INPP4B: variants seen among roughly 807,000 people sequenced by gnomAD.
The protein encoded by INPP4B is inositol polyphosphate 4-phosphatase type II.
Under a neutral mutation model 122.5 loss-of-function variants are expected in INPP4B, and 55 were observed. The observed-to-expected ratio is 0.45, with a 90% CI of 0.36 to 0.56. The LOEUF is 0.56. Among genes scored for constraint, INPP4B ranks in the 20% least tolerant of loss-of-function variants. The pLI, the probability that INPP4B is intolerant of heterozygous loss-of-function variation, is 0.00. For synonymous variants in INPP4B, 403 were observed against 388.7 expected (o/e 1.04, Z -0.43); for missense variants, 1,000 against 1,097.7 (o/e 0.91, Z 1.26).
chr4:142,275,182 A>C (rs1747790656), intron 9 of INPP4B, among the ~76,000 whole-genome samples: 1 of 151,874 alleles, frequency 6.6e-6, no homozygotes, highest in South Asian at 2.1e-4. Flanking sequence ...CTTCTAACAA[A>C]GGATAATTTA....
intron 9 of INPP4B, among the ~76,000 whole-genome samples, chr4:142,276,836 T>A (rs1748670421): frequency 6.6e-6 from 1 of 151,862 alleles, no homozygotes; most frequent in Non-Finnish European, 1.5e-5. Context: ...GATAAAGCAA[T>A]TTTTACCTTC....
chr4:142,665,993 C>A (rs931454200), intron 2 of INPP4B, among the ~76,000 whole-genome samples: 1 of 152,124 alleles, frequency 6.6e-6, no homozygotes, highest in African/African-American at 2.4e-5. Context: ...ATAGTTCCAA[C>A]AAGATACTGT....
At chr4:142,359,404 T>G (rs1784688237) in intron 7 of INPP4B, among the ~76,000 whole-genome samples, 1 of 151,950 alleles carries the variant, frequency 6.6e-6, no homozygotes, top group South Asian at 2.1e-4. Context: ...GATTAAATAA[T>G]TATAAATGCC....
At chr4:142,509,559 A>G (rs1432721942) in intron 2 of INPP4B, among the ~76,000 whole-genome samples, 1 of 152,134 alleles carries the variant, frequency 6.6e-6, no homozygotes, top group Non-Finnish European at 1.5e-5. Context: ...ACATGAACTC[A>G]TCCTTTTTTA....
chr4:142,392,735 T>A (rs898089574), intron 7 of INPP4B, among the ~76,000 whole-genome samples: 10 of 152,362 alleles, frequency 6.6e-5, no homozygotes, highest in African/African-American at 2.4e-4. Flanking sequence ...AATTCTCCTG[T>A]CAAAGTTATG....
chr4:142,698,186 AAAC>A (rs1761264878), intron 2 of INPP4B, among the ~76,000 whole-genome samples: 1 of 152,176 alleles, frequency 6.6e-6, no homozygotes, highest in African/African-American at 2.4e-5. Context: ...CAGTAAGAGA[AAAC>A]AATTAAGTTA....
chr4:142,610,535 ATTTAT>A (rs1185908981), intron 2 of INPP4B, among the ~76,000 whole-genome samples: 3 of 152,170 alleles, frequency 2.0e-5, no homozygotes, highest in African/African-American at 7.2e-5. Context: ...ATAAAATGAC[ATTTAT>A]TTTAACAGCA....
At chr4:142,224,424 A>G (rs1174767086) in intron 12 of INPP4B, among the ~76,000 whole-genome samples, 4 of 152,190 alleles carry the variant, frequency 2.6e-5, no homozygotes, top group Non-Finnish European at 4.4e-5. Context: ...AAAATGAACC[A>G]TCATTTAAAT....
At chr4:142,663,285 TC>T (rs1755512488) in intron 2 of INPP4B, among the ~76,000 whole-genome samples, 2 of 152,154 alleles carry the variant, frequency 1.3e-5, no homozygotes, top group Non-Finnish European at 2.9e-5. Context: ...TTAAAAACAT[TC>T]AAGAACTAAG....
At chr4:142,826,361 C>A (rs1561113573) in intron 1 of INPP4B, among the ~76,000 whole-genome samples, 2 of 152,104 alleles carry the variant, frequency 1.3e-5, no homozygotes, top group Non-Finnish European at 2.9e-5. Context: ...TTGGCTTCAG[C>A]CTATTACCTA....
At position 142,623,960 on chromosome 4, in the gene INPP4B, G is replaced by A. The variant is rs562167913; in HGVS notation, c.-191+101879C>T. Among the ~76,000 whole-genome samples the A allele has an allele frequency of 7.9e-4, 120 of 152,090 alleles. No homozygotes were observed. The Middle Eastern group carries it at 0.014, about 17-fold the overall frequency. ...ATATGTGCCACATTTTCTTAATCCAGTCTATCATTGTTGGACATTTGGGTT... is the reference window on the plus strand; with the variant it reads ...ATATGTGCCACATTTTCTTAATCCAATCTATCATTGTTGGACATTTGGGTT... On this transcript the variant is annotated intron_variant, in intron 2 of 25. Coordinates refer to ENST00000262992, the MANE Select transcript of INPP4B (RefSeq NM_001101669.3).
rs546356670 is a variant in INPP4B at position 142,172,429 on chromosome 4, C to T, written c.1359+1203G>A. On this transcript the variant is annotated intron_variant, in intron 16 of 25. Coordinates refer to ENST00000262992, the MANE Select transcript of INPP4B (RefSeq NM_001101669.3). ...GTGAAGCCCCTTGCCCTATTTGACG[C>T]AAAGTAAGTACTTGCAAAATTTGGG... 1.7e-3 allele frequency among the ~76,000 whole-genome samples: 261 copies of T among 151,996 alleles called. 1 individual carries two copies. The highest frequency in any genetic ancestry group is 5.2e-3 in the African/African-American group (216 of 41,496).
At chr4:142,067,372 TA>T (rs1764129806) in intron 25 of INPP4B, among the ~76,000 whole-genome samples, 1 of 152,056 alleles carries the variant, frequency 6.6e-6, no homozygotes, top group Non-Finnish European at 1.5e-5. Context: ...AAGATGGGGA[TA>T]AACCAGAGCA....
At chr4:142,221,888 C>T (rs999141449) in intron 12 of INPP4B, among the ~76,000 whole-genome samples, 1 of 152,162 alleles carries the variant, frequency 6.6e-6, no homozygotes, top group Non-Finnish European at 1.5e-5. Context: ...TAGTTCAGTT[C>T]TAGATGATTC....
At chr4:142,528,278 C>T (rs1174776217) in intron 2 of INPP4B, among the ~76,000 whole-genome samples, 2 of 152,050 alleles carry the variant, frequency 1.3e-5, no homozygotes, top group Non-Finnish European at 2.9e-5. Flanking sequence ...TCATACACTT[C>T]TTATCTGGCT....
chr4:142,784,364 A>AAATT lies in INPP4B; in HGVS notation c.-253-58464_-253-58463insAATT, dbSNP rs371289139. Among the ~76,000 whole-genome samples the AAATT allele has an allele frequency of 2.2e-5, 3 of 137,784 alleles. No homozygotes were observed. In the Admixed American group the frequency reaches 2.2e-4, roughly 10 times the overall value. The allele number at this position is 137,784 out of a possible 152,430, so 90.4% of individuals were successfully genotyped here. On this transcript the variant is annotated intron_variant, in intron 1 of 25. Coordinates refer to ENST00000262992, the MANE Select transcript of INPP4B (RefSeq NM_001101669.3). Reference sequence around the variant, plus strand: ...GGTGATAGAGAGAAACTCTGTCTCAAAAATAAATAAATAAATAAATAAATA... The same window carrying AAATT: ...GGTGATAGAGAGAAACTCTGTCTCAAAATTAAATAAATAAATAAATAAATAAATA...
At chr4:142,123,130 AG>A (rs1285871623) in intron 20 of INPP4B, among the ~76,000 whole-genome samples, 161 bp downstream of exon 20, 10 of 152,196 alleles carry the variant, frequency 6.6e-5, no homozygotes, top group Non-Finnish European at 2.9e-5. Flanking sequence ...AGGAGGCAAA[AG>A]TAAGTTACAA....
intron 1 of INPP4B, among the ~76,000 whole-genome samples, chr4:142,785,574 G>C (rs1775646956): frequency 6.6e-6 from 1 of 151,932 alleles, no homozygotes; most frequent in Non-Finnish European, 1.5e-5. Flanking sequence ...AGACTGGCAT[G>C]GTTGTGAAAA....
intron 2 of INPP4B, among the ~76,000 whole-genome samples, chr4:142,525,426 G>T (rs1416791880): frequency 7.9e-6 from 1 of 127,180 alleles, no homozygotes; most frequent in Non-Finnish European, 1.8e-5. Flanking sequence ...AGCCCACATT[G>T]CCAAGTCAAT....
Sources: gnomAD v4.1 joint callset for allele counts (sites outside exome capture counted in the v4.1 genomes callset) on GRCh38, gnomAD v4.1.1 for gene constraint, MANE v1.5 for transcripts, NCBI Gene and HGNC (gene_info 2026-07-23, HGNC 2026-07-21) for gene names.